The following PXDNL variants were observed in gnomAD, a reference collection of about 807,000 sequenced individuals.
PXDNL encodes peroxidasin like.
Under a neutral mutation model 150.8 loss-of-function variants are expected in PXDNL, and 145 were observed. That is an observed-to-expected ratio of 0.96 (90% CI 0.84 to 1.10). The LOEUF is 1.10. Ranked by LOEUF, PXDNL falls within the 50% of genes least tolerant of loss-of-function variation. The probability of loss-of-function intolerance (pLI) is 0.00; values close to 1 mark genes in which losing one functional copy is unlikely to be tolerated. For missense variants in PXDNL, 2,087 were observed against 1,873.9 expected (o/e 1.11, Z -2.10); for synonymous variants, 757 against 725.7 (o/e 1.04, Z -0.69).
intron 1 of PXDNL, among the ~76,000 whole-genome samples, chr8:51,705,581 T>C (rs2130889001): frequency 6.6e-6 from 1 of 152,346 alleles, no homozygotes; most frequent in Admixed American, 6.5e-5. Context: ...AAAGCGCATA[T>C]TACTTAAACA....
chr8:51,575,803 T>C (rs1348812053), intron 3 of PXDNL, among the ~76,000 whole-genome samples: 2 of 151,856 alleles, frequency 1.3e-5, no homozygotes, highest in African/African-American at 4.8e-5. Context: ...AGTAAAATGA[T>C]ATGAAAGTAA....
chr8:51,356,065 T>C (rs7826986), intron 19 of PXDNL, among the ~76,000 whole-genome samples: 1,676 of 152,358 alleles, frequency 0.011, 27 homozygotes, highest in African/African-American at 0.036. Flanking sequence ...TCCCTAGGTC[T>C]GCTAATAAAT....
At chr8:51,759,598 T>C (rs978521295) in intron 1 of PXDNL, among the ~76,000 whole-genome samples, 1 of 152,218 alleles carries the variant, frequency 6.6e-6, no homozygotes, top group Admixed American at 6.5e-5. Context: ...GAATGACTGA[T>C]GGATTAGTTC....
chr8:51,505,460 A>G (rs542209909), intron 4 of PXDNL, among the ~76,000 whole-genome samples: 1 of 152,346 alleles, frequency 6.6e-6, no homozygotes, highest in East Asian at 1.9e-4. Context: ...GGAGAAAAAC[A>G]CTATATTTAT....
intron 1 of PXDNL, among the ~76,000 whole-genome samples, chr8:51,666,420 A>G (rs1172925379): frequency 6.6e-6 from 1 of 152,176 alleles, no homozygotes; most frequent in African/African-American, 2.4e-5. Flanking sequence ...ATGAGGAAGC[A>G]TAAGTGTGTG....
At chr8:51,374,846 ATATGATT>A in intron 17 of PXDNL, 115 bp from the exon 18 acceptor site, 4 of 1,214,196 alleles carry the variant, frequency 3.3e-6, no homozygotes, top group Non-Finnish European at 4.6e-6. Context: ...AGAAAAGTAG[ATATGATT>A]ACTGTATTCT....
intron 3 of PXDNL, among the ~76,000 whole-genome samples, chr8:51,559,870 C>G (rs757916050): frequency 2.0e-5 from 3 of 151,860 alleles, no homozygotes; most frequent in Non-Finnish European, 4.4e-5. Context: ...AAATTAGGAC[C>G]AGGATTTTAA....
At chr8:51,445,592 A>C (rs1809655560) in intron 12 of PXDNL, among the ~76,000 whole-genome samples, 1 of 152,210 alleles carries the variant, frequency 6.6e-6, no homozygotes, top group Admixed American at 6.5e-5. Context: ...AGGGAAGTGA[A>C]GTGGCTTCTA....
At chr8:51,800,874 CAT>C (rs958392001) in intron 1 of PXDNL, among the ~76,000 whole-genome samples, 1 of 152,150 alleles carries the variant, frequency 6.6e-6, no homozygotes, top group African/African-American at 2.4e-5. Flanking sequence ...GATTATAGAA[CAT>C]GTGTTTGACA....
chr8:51,411,842 C>A (rs1808661239), intron 15 of PXDNL, among the ~76,000 whole-genome samples: 2 of 152,118 alleles, frequency 1.3e-5, no homozygotes, highest in African/African-American at 4.8e-5. Flanking sequence ...CTTTAGAATC[C>A]TCCTCAGGCC....
rs1808501350 is a variant in PXDNL, at chr8:51,408,381, G to C, written c.3243C>G (p.Phe1081Leu). The change falls in exon 17 of 23, where the codon TTC becomes TTG. Residue 1081 changes from phenylalanine to leucine, a missense_variant. Physicochemically the swap from Phe to Leu is conservative, Grantham distance 22. Coordinates refer to ENST00000356297, the MANE Select transcript of PXDNL (RefSeq NM_144651.5). The stretch of plus-strand genomic sequence containing the variant: ...TGGACGGTGAAAAGAGCGCTTTATG[G>C]AACGGAAGGTGGCCTTCGGAAATTT... ...LGEISEGHLPFHKALFSPSRI... is the reference protein window; with the variant it reads ...LGEISEGHLPLHKALFSPSRI... 1.2e-6 allele frequency: 2 copies of C among 1,613,926 alleles called. No individual in the cohort carries two copies. The highest frequency in any genetic ancestry group is 1.7e-6 in the Non-Finnish European group (2 of 1,179,904).
chr8:51,525,596 G>GC (rs2130402981), intron 4 of PXDNL, among the ~76,000 whole-genome samples: 1 of 152,258 alleles, frequency 6.6e-6, no homozygotes, highest in African/African-American at 2.4e-5. Flanking sequence ...AGTCCAAAAT[G>GC]CTGGACAAAA....
At chr8:51,581,726 G>A (rs183391086) in intron 3 of PXDNL, among the ~76,000 whole-genome samples, 14 of 152,128 alleles carry the variant, frequency 9.2e-5, no homozygotes, top group African/African-American at 4.8e-5. Flanking sequence ...AGCAATTCTG[G>A]TCTCATAAAA....
chr8:51,605,658 G>C (rs1009377650), intron 2 of PXDNL, among the ~76,000 whole-genome samples: 1 of 152,158 alleles, frequency 6.6e-6, no homozygotes, highest in Non-Finnish European at 1.5e-5. Flanking sequence ...ATTATAGTTA[G>C]ATGTTGTTGG....
At chr8:51,415,383 A>C (rs1182800762) in intron 14 of PXDNL, among the ~76,000 whole-genome samples, 1 of 152,182 alleles carries the variant, frequency 6.6e-6, no homozygotes, top group African/African-American at 2.4e-5. Context: ...TAGGAAGCTT[A>C]CAGTAGTGGT....
At position 51,562,931 on chromosome 8, in the gene PXDNL, C is replaced by T. The variant is rs527374474; in HGVS notation, c.309-6020G>A. Reference sequence around the variant, plus strand: ...TGTGACACCAAGAGTCATGGACTTGCGAGGGAGTTGCAGTTGTAATGGAGC... The same window carrying T: ...TGTGACACCAAGAGTCATGGACTTGTGAGGGAGTTGCAGTTGTAATGGAGC... On this transcript the variant is annotated intron_variant, in intron 3 of 22. Transcript: ENST00000356297. Among the ~76,000 whole-genome samples the T allele has an allele frequency of 3.6e-4, 55 of 151,944 alleles. 1 individual carries two copies. The highest frequency in any genetic ancestry group is 1.2e-3 in the African/African-American group (48 of 41,492).
At position 51,382,699 on chromosome 8, in the gene PXDNL, A is replaced by T. The variant is rs946330421; in HGVS notation, c.3558-7968T>A. ...CTGCATTACTTCTTTAAAATAAGTT[A>T]AAAAAAAAGATATATTGATCTCTGA... On this transcript the variant is annotated intron_variant, in intron 17 of 22. Coordinates refer to ENST00000356297, the MANE Select transcript of PXDNL (RefSeq NM_144651.5). Among the ~76,000 whole-genome samples, 21 of 151,342 alleles carry T rather than the reference A, an allele frequency of 1.4e-4. 1 individual carries two copies. Among genetic ancestry groups the T allele is most frequent in the South Asian group, 8.3e-4 (4 of 4,796 alleles).
intron 19 of PXDNL, among the ~76,000 whole-genome samples, chr8:51,368,802 C>T (rs1257284825): frequency 6.6e-6 from 1 of 151,980 alleles, no homozygotes; most frequent in Non-Finnish European, 1.5e-5. Context: ...TCAAGACCAG[C>T]CTGGCCAACA....
intron 1 of PXDNL, among the ~76,000 whole-genome samples, chr8:51,763,820 G>A (rs929526011): frequency 3.3e-5 from 5 of 152,196 alleles, no homozygotes; most frequent in South Asian, 2.1e-4. Context: ...GAATTAATAC[G>A]TACTACTTTT....
Sources: gnomAD v4.1 joint callset for allele counts (sites outside exome capture counted in the v4.1 genomes callset) on GRCh38, gnomAD v4.1.1 for gene constraint, MANE v1.5 for transcripts, NCBI Gene and HGNC (gene_info 2026-07-23, HGNC 2026-07-21) for gene names.